NR2E1: variants seen among roughly 807,000 people sequenced by gnomAD.
NR2E1 encodes nuclear receptor subfamily 2 group E member 1.
Under a neutral mutation model 43.6 loss-of-function variants are expected in NR2E1, and 5 were observed. The observed-to-expected ratio is 0.11, with a 90% confidence interval of 0.06 to 0.24. NR2E1 has a LOEUF of 0.24. Among genes scored for constraint, NR2E1 ranks in the 10% least tolerant of loss-of-function variants. NR2E1 has a pLI of 1.00. For missense variants in NR2E1, 287 were observed against 496.7 expected (o/e 0.58, Z 4.01); for synonymous variants, 191 against 195.5 (o/e 0.98, Z 0.19).
intron 5 of NR2E1, 127 bp downstream of exon 5, chr6:108,178,368 G>C: frequency 1.1e-6 from 1 of 940,992 alleles, no homozygotes. Flanking sequence ...ATAGCAGTGA[G>C]GAAACTACTT....
At chr6:108,171,662 T>C in intron 2 of NR2E1, 59 bp downstream of exon 2, 1 of 1,607,268 alleles carries the variant, frequency 6.2e-7, no homozygotes, top group Non-Finnish European at 8.5e-7. Context: ...ACTCTTTTGT[T>C]TGTGCCAAGG....
At position 108,178,204 on chromosome 6, in the gene NR2E1, G is replaced by C. The variant is rs541724315; in HGVS notation, c.605G>C (p.Ser202Thr). 14 of 1,614,204 alleles carry C rather than the reference G, an allele frequency of 8.7e-6. No homozygotes were observed. The African/African-American group carries it at 9.3e-5, about 11-fold the overall frequency. Reference sequence around the variant, plus strand: ...TTCATGAGCATCAAGTGGGCTAAGAGTGTGCCAGCCTTCTCCACGCTGTCT... The same window carrying C: ...TTCATGAGCATCAAGTGGGCTAAGACTGTGCCAGCCTTCTCCACGCTGTCT... ...LLFMSIKWAK[S>T]VPAFSTLSLQ... Residue 202 changes from serine (S) to threonine (T), a missense_variant, in exon 5 of 9, where the codon AGT becomes ACT. Ser to Thr is a moderately conservative substitution (Grantham distance 58). Around this residue, in one of 4 missense-constraint regions of NR2E1, gnomAD observed 119 missense variants for 155.7 expected, o/e 0.76. Transcript: ENST00000368986.
At chr6:108,176,337 T>G (rs1210946843) in intron 3 of NR2E1, 166 bp from the exon 4 acceptor site, 12 of 642,066 alleles carry the variant, frequency 1.9e-5, no homozygotes, top group Admixed American at 2.5e-5. Context: ...TTAGACGATC[T>G]CAGAATCCCT....
intron 8 of NR2E1, 134 bp downstream of exon 8, chr6:108,181,785 C>T: frequency 4.1e-6 from 3 of 739,078 alleles, no homozygotes; most frequent in African/African-American, 1.7e-5. Context: ...AGGGAGAATC[C>T]ATGTCCTTAC....
At chr6:108,173,797 T>C (rs1773851621) in intron 2 of NR2E1, among the ~76,000 whole-genome samples, 3 of 152,168 alleles carry the variant, frequency 2.0e-5, no homozygotes, top group Admixed American at 2.0e-4. Context: ...TCTTTATGTA[T>C]CTATGCATAT....
Position 108,166,932 on chromosome 6 carries a change from A to C in NR2E1, c.25+142A>C. 1 of 881,548 alleles carries C rather than the reference A, an allele frequency of 1.1e-6. No individual in the cohort carries two copies. Among genetic ancestry groups the C allele is most frequent in the Non-Finnish European group, 1.8e-6 (1 of 558,912 alleles). 54.6% of individuals were successfully genotyped at this position (881,548 alleles called of 1,614,324 possible). A position where few individuals can be genotyped will look rare whatever the true frequency, so the allele number is the denominator to read the frequency against. On this transcript the variant is annotated intron_variant, in intron 1 of 8. Coordinates refer to ENST00000368986, the MANE Select transcript of NR2E1 (RefSeq NM_003269.5). The surrounding 1 kb of genome is among the most constrained non-coding windows in gnomAD (Gnocchi z 7.2). The stretch of plus-strand genomic sequence containing the variant: ...CAGCGGGCGTGTGCGTTCGGCCCAG[A>C]CCTGTAGACCGTGAGTTGGAGCATT...
chr6:108,181,487 T>TCGGCTCCCAGA, intron 7 of NR2E1, 59 bp from the exon 8 acceptor site: 1 of 1,429,462 alleles, frequency 7.0e-7, no homozygotes, highest in Non-Finnish European at 9.9e-7. Flanking sequence ...AGCACTGCGC[T>TCGGCTCCCAGA]CGGCTCCCAG....
Position 108,176,639 on chromosome 6 carries a change from C to A in NR2E1, c.396C>A (p.Thr132=), listed in dbSNP as rs200364079. Residue 132 remains threonine (T), a synonymous_variant, in exon 4 of 9, where the codon ACC becomes ACA. Coordinates refer to ENST00000368986, the MANE Select transcript of NR2E1 (RefSeq NM_003269.5). ...SAALPAPAFF[T]AVTQLEPHGL... is the part of the protein sequence containing the mutation. ...CGCTCCCTGCGCCGGCCTTCTTCAC[C>A]GCGGTCACGCAGCTGGAGCCGCACG... The A allele has an allele frequency of 2.5e-6, 4 of 1,609,578 alleles. No individual in the cohort carries two copies. The highest frequency in any genetic ancestry group is 2.2e-5 in the East Asian group (1 of 44,828).
At position 108,180,850 on chromosome 6, in the gene NR2E1, C is replaced by A; in HGVS notation, c.783C>A (p.Ile261=). ...CAGATTCCCAGAAGCTGAACAAGATCATATCTGAAATACAGGCTTTACAAG... is the reference window on the plus strand; with the variant it reads ...CAGATTCCCAGAAGCTGAACAAGATAATATCTGAAATACAGGCTTTACAAG... ...DNTDSQKLNK[I]ISEIQALQEV... Residue 261 remains isoleucine, a synonymous_variant, in exon 7 of 9, where the codon ATC becomes ATA. Coordinates refer to ENST00000368986, the MANE Select transcript of NR2E1 (RefSeq NM_003269.5). This position sits in a 1 kb window ranked among gnomAD's most constrained non-coding sequence, Gnocchi z 5.4. The A allele has an allele frequency of 6.2e-7, 1 of 1,614,020 alleles. No homozygotes were observed. Among genetic ancestry groups the A allele is most frequent in the Non-Finnish European group, 8.5e-7 (1 of 1,179,884 alleles).
rs544621459 is a variant in NR2E1 at position 108,187,267 on chromosome 6, T to A, written c.996-34T>A. The A allele has an allele frequency of 2.8e-5, 45 of 1,613,792 alleles. No individual in the cohort carries two copies. The East Asian group carries it at 9.4e-4, about 34-fold the overall frequency. On this transcript the variant is annotated intron_variant, in intron 8 of 8. Transcript: ENST00000368986. ...ACGTTAGTTTCCATAAGTAATGGCCTCTGACCTTGTTTTCATGGCTTCTCA... is the reference window on the plus strand; with the variant it reads ...ACGTTAGTTTCCATAAGTAATGGCCACTGACCTTGTTTTCATGGCTTCTCA...
At chr6:108,174,341 T>C (rs1226877437) in intron 2 of NR2E1, among the ~76,000 whole-genome samples, 1 of 152,102 alleles carries the variant, frequency 6.6e-6, no homozygotes, top group Non-Finnish European at 1.5e-5. Context: ...TAGACTCAAG[T>C]ACTGAAAGCA....
Position 108,184,019 on chromosome 6 carries a change from C to A in NR2E1, c.995+2368C>A, listed in dbSNP as rs146604484. On this transcript the variant is annotated intron_variant, in intron 8 of 8. Coordinates refer to ENST00000368986, the MANE Select transcript of NR2E1 (RefSeq NM_003269.5). ...ACCAGCCTGGCCAACATGGTGAAAC[C>A]CGTCTCTACCAAAAATAGAAAAGTT... is the stretch of plus-strand genomic sequence containing the variant. Among the ~76,000 whole-genome samples, 778 of 152,072 alleles carry A rather than the reference C, an allele frequency of 5.1e-3. 5 individuals are homozygous for A. Among genetic ancestry groups the A allele is most frequent in the African/African-American group, 0.018 (740 of 41,478 alleles).
intron 8 of NR2E1, among the ~76,000 whole-genome samples, chr6:108,184,226 A>G (rs898554428): frequency 2.0e-5 from 3 of 152,150 alleles, no homozygotes; most frequent in Admixed American, 6.6e-5. Context: ...AAAAAGACAA[A>G]AAAACAAAAA....
In NR2E1 at chr6:108,176,554, C is replaced by CCCT. The variant is rs1773900835; in HGVS notation, c.313_315dup (p.Leu105dup). 6.2e-7 allele frequency: 1 copy of CCCT among 1,613,080 alleles called. No homozygotes were observed. The highest frequency in any genetic ancestry group is 1.3e-5 in the African/African-American group (1 of 74,950). On this transcript the variant is annotated inframe_insertion, in exon 4 of 9. Coordinates refer to ENST00000368986, the MANE Select transcript of NR2E1 (RefSeq NM_003269.5). ...ACGTCCACCATCCGCAAGCAAGTGGCCCTCTACTTCCGTGGACACAAGGAG... is the reference window on the plus strand; with the variant it reads ...ACGTCCACCATCCGCAAGCAAGTGGCCCTCCTCTACTTCCGTGGACACAAGGAG...
Position 108,169,335 on chromosome 6 carries a change from G to C in NR2E1, c.26-2123G>C, listed in dbSNP as rs1400246527. ...TCCGGAAGCTCGGGCGGGGGAATCC[G>C]AGGAGGGGCCCCCACCCTGCACTGG... On this transcript the variant is annotated intron_variant, in intron 1 of 8. Transcript: ENST00000368986. This position sits in a 1 kb window ranked among gnomAD's most constrained non-coding sequence, Gnocchi z 6.1. 6.6e-6 allele frequency among the ~76,000 whole-genome samples: 1 copy of C among 152,188 alleles called. No homozygotes were observed.
Position 108,169,164 on chromosome 6 carries a change from GC to G in NR2E1, c.26-2291del, listed in dbSNP as rs1773763062. 6.6e-6 allele frequency among the ~76,000 whole-genome samples: 1 copy of G among 152,156 alleles called. No homozygotes were observed. Among genetic ancestry groups the G allele is most frequent in the Non-Finnish European group, 1.5e-5 (1 of 68,020 alleles). On this transcript the variant is annotated intron_variant, in intron 1 of 8. Transcript: ENST00000368986. The surrounding 1 kb of genome is among the most constrained non-coding windows in gnomAD (Gnocchi z 6.1). The stretch of plus-strand genomic sequence containing the variant: ...CTGGGTGGCGGAGTCTGAGGCACAG[GC>G]CCGCTATGCCCCGGAATTTTCGCGT...
At position 108,180,787 on chromosome 6, in the gene NR2E1, A is replaced by G. The variant is rs761509480; in HGVS notation, c.740-20A>G. 1.9e-6 allele frequency: 3 copies of G among 1,611,628 alleles called. No homozygotes were observed. The highest frequency in any genetic ancestry group is 4.5e-5 in the East Asian group (2 of 44,866). ...AAAATGCCTTCATATTAGAGTATTT[A>G]TCCCATATTTTTATTCTAGGCATGA... On this transcript the variant is annotated intron_variant, in intron 6 of 8. Transcript: ENST00000368986. This position sits in a 1 kb window ranked among gnomAD's most constrained non-coding sequence, Gnocchi z 5.4.
chr6:108,186,687 G>T (rs1027754881), intron 8 of NR2E1, among the ~76,000 whole-genome samples: 4 of 152,168 alleles, frequency 2.6e-5, no homozygotes, highest in African/African-American at 9.7e-5. Context: ...CATCAAAAGA[G>T]GAAATTGTTA....
chr6:108,167,299 C>T (rs376692874), intron 1 of NR2E1, among the ~76,000 whole-genome samples: 2 of 152,182 alleles, frequency 1.3e-5, no homozygotes, highest in Non-Finnish European at 2.9e-5. Context: ...TTCCTTAATC[C>T]TAAATCCGCG....
Sources: gnomAD v4.1 joint callset for allele counts (sites outside exome capture counted in the v4.1 genomes callset) on GRCh38, gnomAD v4.1.1 for gene constraint, gnomAD v4.1.1 regional missense constraint, Gnocchi (gnomAD v3.1) non-coding constraint, MANE v1.5 for transcripts, NCBI Gene and HGNC (gene_info 2026-07-23, HGNC 2026-07-21) for gene names.